LRP1: variants seen among roughly 807,000 people sequenced by gnomAD.
LRP1 encodes the protein LDL receptor related protein 1, also known as prolow-density lipoprotein receptor-related protein 1.
In LRP1, 51 loss-of-function variants were observed where a neutral mutation model predicts 541.5. The observed-to-expected ratio is 0.09, with a 90% CI of 0.08 to 0.12. LRP1 has a LOEUF of 0.12. Ranked by LOEUF, LRP1 falls within the 10% of genes least tolerant of loss-of-function variation. The pLI, the probability that LRP1 is intolerant of heterozygous loss-of-function variation, is 1.00. For synonymous variants in LRP1, 2,219 were observed against 2,470.8 expected, an observed-to-expected ratio of 0.90 and a Z score of 3.02; for missense variants, 3,878 against 6,376.2, an observed-to-expected ratio of 0.61 and a Z score of 13.34.
In LRP1 at chr12:57,166,926, C is replaced by A. The variant is rs200106514; in HGVS notation, c.2798-4C>A. On this transcript the variant is annotated splice_polypyrimidine_tract_variant and splice_region_variant and intron_variant, in intron 17 of 88. Transcript: ENST00000243077. ...GAGTACTCACACCCATCCCTGCCCCCCAGCCCGCACCTGCCCCCCCAACCA... is the reference window on the plus strand; with the variant it reads ...GAGTACTCACACCCATCCCTGCCCCACAGCCCGCACCTGCCCCCCCAACCA... 7.0e-5 allele frequency: 110 copies of A among 1,568,736 alleles called. No individual in the cohort carries two copies. The East Asian group carries it at 1.8e-3, about 26-fold the overall frequency.
rs759104743 is a variant in LRP1 at position 57,211,956 on chromosome 12, T to TTGC, written c.13300_13302dup (p.Leu4434dup). ...AGCCTCCATCCTAATCCCTCTGCTG[T>TTGC]TGCTGCTGCTGCTGGTTCTGGTGGC... is the stretch of plus-strand genomic sequence containing the variant. On this transcript the variant is annotated inframe_insertion, in exon 87 of 89. Transcript: ENST00000243077. This position sits in a 1 kb window ranked among gnomAD's most constrained non-coding sequence, Gnocchi z 4.3. 3 of 1,614,020 alleles carry TTGC rather than the reference T, an allele frequency of 1.9e-6. No homozygotes were observed. The highest frequency in any genetic ancestry group is 1.3e-5 in the African/African-American group (1 of 74,910).
chr12:57,183,712 T>G lies in LRP1; in HGVS notation c.5795-63T>G. ...CACCTCTGTCTTGAGCCTTGTGAGATTTTGACCCCTCACCTTACCCCTGCC... is the reference window on the plus strand; with the variant it reads ...CACCTCTGTCTTGAGCCTTGTGAGAGTTTGACCCCTCACCTTACCCCTGCC... On this transcript the variant is annotated intron_variant, in intron 35 of 88. Coordinates refer to ENST00000243077, the MANE Select transcript of LRP1 (RefSeq NM_002332.3). The surrounding 1 kb of genome is among the most constrained non-coding windows in gnomAD (Gnocchi z 6.1). 2.5e-6 allele frequency: 4 copies of G among 1,600,894 alleles called. No individual in the cohort carries two copies. In the South Asian group the frequency reaches 3.3e-5, roughly 13 times the overall value.
intron 3 of LRP1, among the ~76,000 whole-genome samples, chr12:57,141,855 G>A (rs1219024297): frequency 5.9e-5 from 9 of 152,212 alleles, no homozygotes; most frequent in Non-Finnish European, 1.0e-4. Flanking sequence ...TCTTCAAAAG[G>A]TTTTCTGCAT....
intron 19 of LRP1, 21 bp downstream of exon 19, chr12:57,167,545 C>T (rs1287643996): frequency 1.9e-6 from 3 of 1,595,854 alleles, no homozygotes; most frequent in African/African-American, 1.3e-5. Context: ...GCTCTCCTCA[C>T]CTGCTGATTC....
chr12:57,202,075 A>C, intron 67 of LRP1, 170 bp downstream of exon 67: 1 of 799,790 alleles, frequency 1.3e-6, no homozygotes, highest in Non-Finnish European at 2.0e-6. Flanking sequence ...GCTGGAGCTC[A>C]CTTCCCCACA....
At chr12:57,202,863 C>T (rs2036686011) in intron 68 of LRP1, 1 of 568,348 alleles carries the variant, frequency 1.8e-6, no homozygotes, top group African/African-American at 1.9e-5. Flanking sequence ...CCTTGATTGA[C>T]CTCTCCCCAA....
At position 57,178,722 on chromosome 12, in the gene LRP1, AG is replaced by A; in HGVS notation, c.4606+123del. On this transcript the variant is annotated intron_variant, in intron 27 of 88. Transcript: ENST00000243077. This position sits in a 1 kb window ranked among gnomAD's most constrained non-coding sequence, Gnocchi z 5.8. Reference sequence around the variant, plus strand: ...AGGAGCAAGTCTGTGCTGGGATGGCAGGGGTAGGCCGGCTGTTGACAGAGGC... The same window carrying A: ...AGGAGCAAGTCTGTGCTGGGATGGCAGGGTAGGCCGGCTGTTGACAGAGGC... 6.5e-7 allele frequency: 1 copy of A among 1,539,148 alleles called. No individual in the cohort carries two copies. Among genetic ancestry groups the A allele is most frequent in the Non-Finnish European group, 8.8e-7 (1 of 1,134,840 alleles).
chr12:57,167,152 G>A, intron 18 of LRP1, 106 bp downstream of exon 18: 1 of 899,858 alleles, frequency 1.1e-6, no homozygotes, highest in Non-Finnish European at 1.8e-6. Flanking sequence ...CACTTGGGTG[G>A]CCTTGAGTGA....
rs536028967 is a variant in LRP1 at position 57,156,379 on chromosome 12, G to A, written c.1417+96G>A. ...GCCCCTCTCTGGGCCCTCCTGTGGG[G>A]ACCCTGGCTTCTTTCATGTCATGAC... On this transcript the variant is annotated intron_variant, in intron 9 of 88. Coordinates refer to ENST00000243077, the MANE Select transcript of LRP1 (RefSeq NM_002332.3). This position sits in a 1 kb window ranked among gnomAD's most constrained non-coding sequence, Gnocchi z 5.2. The A allele has an allele frequency of 2.4e-6, 3 of 1,272,636 alleles. No individual in the cohort carries two copies. The East Asian group carries it at 7.5e-5, about 32-fold the overall frequency. The allele number at this position is 1,272,636 out of a possible 1,614,324, so 78.8% of individuals were successfully genotyped here. A position where few individuals can be genotyped will look rare whatever the true frequency, so the allele number is the denominator to read the frequency against.
Position 57,204,888 on chromosome 12 carries a change from C to A in LRP1, c.11194+139C>A. On this transcript the variant is annotated intron_variant, in intron 72 of 88. Coordinates refer to ENST00000243077, the MANE Select transcript of LRP1 (RefSeq NM_002332.3). The surrounding 1 kb of genome is among the most constrained non-coding windows in gnomAD (Gnocchi z 5.3). ...GAAGGGGAGGATCCATTGCTAGGAG[C>A]CTGGGGGCTTTTCGTTAGGAAAGAG... The A allele has an allele frequency of 7.1e-7, 1 of 1,414,084 alleles. No individual in the cohort carries two copies. The highest frequency in any genetic ancestry group is 9.5e-7 in the Non-Finnish European group (1 of 1,049,676). 87.6% of individuals were successfully genotyped at this position (1,414,084 alleles called of 1,614,324 possible).
In LRP1 at chr12:57,196,091, C is replaced by T. The variant is rs752694629; in HGVS notation, c.8706C>T (p.His2902=). 90 of 1,607,630 alleles carry T rather than the reference C, an allele frequency of 5.6e-5. No individual in the cohort carries two copies. The highest frequency in any genetic ancestry group is 7.2e-5 in the Non-Finnish European group (85 of 1,175,434). The part of the protein sequence containing the change: ...PKNPHCTSQE[H]KCNASSQFLC... ...GCCGCCTCCGCCCCTCCGCAGAGCA[C>T]AAGTGCAATGCCTCGTCACAGTTCC... The change falls in exon 55 of 89, where the codon CAC becomes CAT. Residue 2902 remains histidine (H), a synonymous_variant. Transcript: ENST00000243077.
rs1476384126 is a variant in LRP1, at chr12:57,170,909, A to G, written c.3163+1602A>G. Among the ~76,000 whole-genome samples, 2 of 152,196 alleles carry G rather than the reference A, an allele frequency of 1.3e-5. 1 individual carries two copies. ...ACCACTAGATTACAGCCTCTGCCTT[A>G]TAGAGTTAGGGCACATTCCCACCCT... On this transcript the variant is annotated intron_variant, in intron 20 of 88. Coordinates refer to ENST00000243077, the MANE Select transcript of LRP1 (RefSeq NM_002332.3).
chr12:57,161,753 C>A (rs2035738597), intron 13 of LRP1, among the ~76,000 whole-genome samples: 1 of 152,234 alleles, frequency 6.6e-6, no homozygotes, highest in East Asian at 1.9e-4. Flanking sequence ...GCTCCTCTTC[C>A]CCTGGCAGAC....
In LRP1 at chr12:57,206,822, G is replaced by A; in HGVS notation, c.11859+81G>A. On this transcript the variant is annotated intron_variant, in intron 76 of 88. Transcript: ENST00000243077. The surrounding 1 kb of genome is among the most constrained non-coding windows in gnomAD (Gnocchi z 4.7). ...CAGAGCAGGATTTGAAAAGGGCAGT[G>A]CTGGCTAGGCGCAGTGGCTCACGCC... The A allele has an allele frequency of 1.3e-6, 2 of 1,504,378 alleles. No individual in the cohort carries two copies. The highest frequency in any genetic ancestry group is 1.8e-6 in the Non-Finnish European group (2 of 1,110,130). The allele number at this position is 1,504,378 out of a possible 1,614,324, so 93.2% of individuals were successfully genotyped here. A position where few individuals can be genotyped will look rare whatever the true frequency, so the allele number is the denominator to read the frequency against.
chr12:57,209,627 C>A, intron 79 of LRP1, 65 bp from the exon 80 acceptor site: 3 of 1,405,330 alleles, frequency 2.1e-6, no homozygotes, highest in South Asian at 1.2e-5. Context: ...GTGCCAGTGT[C>A]GTGGACAGCA....
intron 31 of LRP1, 21 bp from the exon 32 acceptor site, chr12:57,180,309 C>T: frequency 6.2e-7 from 1 of 1,612,988 alleles, no homozygotes. Context: ...GACTCCCCGG[C>T]AGTGACTCCC....
chr12:57,152,131 G>T (rs562914854), intron 6 of LRP1, among the ~76,000 whole-genome samples: 7 of 152,102 alleles, frequency 4.6e-5, no homozygotes, highest in African/African-American at 1.7e-4. Flanking sequence ...TCCTGAGGCT[G>T]GGGGGGCTGA....
intron 44 of LRP1, 34 bp from the exon 45 acceptor site, chr12:57,192,809 ACT>A (rs1410576895): frequency 1.2e-6 from 2 of 1,613,130 alleles, no homozygotes; most frequent in Non-Finnish European, 1.7e-6. Context: ...AGCAGAGAAC[ACT>A]CTCCAGCCCT....
intron 67 of LRP1, 135 bp downstream of exon 67, chr12:57,202,040 C>A: frequency 8.4e-7 from 1 of 1,191,304 alleles, no homozygotes; most frequent in Non-Finnish European, 1.2e-6. Context: ...CCTGGGCCTG[C>A]TGTGGGGCTG....
Sources: allele counts gnomAD v4.1 joint callset (sites outside exome capture counted in the v4.1 genomes callset), GRCh38; gene constraint gnomAD v4.1.1; non-coding constraint Gnocchi (gnomAD v3.1); transcripts MANE v1.5; gene names NCBI Gene and HGNC (gene_info 2026-07-23, HGNC 2026-07-21).